Variants in GRM7 observed in about 807,000 individuals in gnomAD.
GRM7 encodes the protein metabotropic glutamate receptor 7.
Under a neutral mutation model 84.5 loss-of-function variants are expected in GRM7, and 35 were observed. That is an observed-to-expected ratio of 0.41 (90% CI 0.32 to 0.55). GRM7 has a LOEUF of 0.55. Among genes scored for constraint, GRM7 ranks in the 20% least tolerant of loss-of-function variants. The pLI, the probability that GRM7 is intolerant of heterozygous loss-of-function variation, is 0.19. For synonymous variants in GRM7, 487 were observed against 455.1 expected, an observed-to-expected ratio of 1.07 and a Z score of -0.89; for missense variants, 1,003 against 1,194.6, an observed-to-expected ratio of 0.84 and a Z score of 2.36.
At chr3:7,342,060 A>T (rs1692664089) in intron 4 of GRM7, among the ~76,000 whole-genome samples, 1 of 152,168 alleles carries the variant, frequency 6.6e-6, no homozygotes, top group South Asian at 2.1e-4. Context: ...TAACAGACAC[A>T]GCATTCCATT....
intron 4 of GRM7, among the ~76,000 whole-genome samples, chr3:7,310,692 G>A (rs949731): frequency 0.36 from 55,308 of 152,042 alleles, 10,881 homozygotes; most frequent in Middle Eastern, 0.48. Flanking sequence ...GCTATTTGTG[G>A]CAGAGTGGGT....
At chr3:7,439,004 G>C (rs544927195) in intron 5 of GRM7, among the ~76,000 whole-genome samples, 2 of 152,062 alleles carry the variant, frequency 1.3e-5, no homozygotes, top group South Asian at 4.1e-4. Flanking sequence ...AGTCTATATC[G>C]CAGATACAAA....
chr3:7,307,930 G>T (rs1700250227), intron 4 of GRM7, among the ~76,000 whole-genome samples: 1 of 136,066 alleles, frequency 7.3e-6, no homozygotes, highest in Non-Finnish European at 1.7e-5. Context: ...GGGAAACATT[G>T]TAAGTACAGT....
intron 8 of GRM7, chr3:7,607,784 AC>A (rs1412916098): frequency 2.8e-5 from 4 of 140,716 alleles, no homozygotes; most frequent in African/African-American, 1.1e-4. Flanking sequence ...TTTTGTACAT[AC>A]ATAAACAAGT....
At position 7,292,716 on chromosome 3, in the gene GRM7, CTTT is replaced by C. The variant is rs369266184; in HGVS notation, c.737-5960_737-5958del. On this transcript the variant is annotated intron_variant, in intron 2 of 9. Coordinates refer to ENST00000357716, the MANE Select transcript of GRM7 (RefSeq NM_000844.4). ...CTTCTACTGCTTACATATATTATTT[CTTT>C]TTTTTTTAAAAAAAAAAACAAACCA... Among the ~76,000 whole-genome samples the C allele has an allele frequency of 8.5e-4, 125 of 146,476 alleles. 2 individuals are homozygous for C. The East Asian group carries it at 0.02, about 24-fold the overall frequency.
chr3:7,326,804 A>G (rs532852724), intron 4 of GRM7, among the ~76,000 whole-genome samples: 307 of 151,668 alleles, frequency 2.0e-3, no homozygotes, highest in Non-Finnish European at 2.6e-3. Context: ...ATTGCACTCC[A>G]GCCTGGGCAA....
chr3:7,685,247 C>T (rs1009331255), intron 9 of GRM7, among the ~76,000 whole-genome samples: 2 of 152,158 alleles, frequency 1.3e-5, no homozygotes, highest in Non-Finnish European at 2.9e-5. Flanking sequence ...TGGTATCAAC[C>T]AGAAGATGTT....
At chr3:7,045,504 C>T (rs1052004003) in intron 1 of GRM7, among the ~76,000 whole-genome samples, 3 of 152,108 alleles carry the variant, frequency 2.0e-5, no homozygotes, top group Non-Finnish European at 4.4e-5. Context: ...TATTGTAAAA[C>T]TAAAACTTTG....
intron 1 of GRM7, among the ~76,000 whole-genome samples, chr3:6,979,727 G>T (rs1575093007): frequency 6.6e-6 from 1 of 151,994 alleles, no homozygotes; most frequent in Non-Finnish European, 1.5e-5. Context: ...AATAAAAATG[G>T]GTTGGTGGAA....
chr3:6,881,433 C>T (rs2124963016), intron 1 of GRM7, among the ~76,000 whole-genome samples: 1 of 152,188 alleles, frequency 6.6e-6, no homozygotes, highest in South Asian at 2.1e-4. Context: ...AGGATAATGT[C>T]TTCCAGCTTT....
chr3:7,154,946 T>C (rs1574968979), intron 2 of GRM7, among the ~76,000 whole-genome samples: 1 of 152,146 alleles, frequency 6.6e-6, no homozygotes, highest in Non-Finnish European at 1.5e-5. Context: ...GCAAGAGAGA[T>C]AAATTTCAGT....
At chr3:7,590,002 G>A (rs1695703789) in intron 8 of GRM7, among the ~76,000 whole-genome samples, 2 of 152,150 alleles carry the variant, frequency 1.3e-5, no homozygotes, top group Admixed American at 1.3e-4. Context: ...CAGCAACTAA[G>A]AAAGGTTTTT....
rs142295045 is a variant in GRM7, at chr3:7,171,217, C to T, written c.736+24549C>T. Among the ~76,000 whole-genome samples the T allele has an allele frequency of 4.7e-4, 72 of 152,250 alleles. 1 individual carries two copies. Among genetic ancestry groups the T allele is most frequent in the African/African-American group, 1.7e-3 (72 of 41,564 alleles). ...ATCTGCTCCAGGCCTCTCTCCTTAG[C>T]TTGTAGATGGACTTCTTCTCCCTGT... On this transcript the variant is annotated intron_variant, in intron 2 of 9. Coordinates refer to ENST00000357716, the MANE Select transcript of GRM7 (RefSeq NM_000844.4).
intron 2 of GRM7, among the ~76,000 whole-genome samples, chr3:7,162,584 G>GT (rs1694658267): frequency 6.6e-6 from 1 of 151,910 alleles, no homozygotes; most frequent in Non-Finnish European, 1.5e-5. Flanking sequence ...TGAGAAATTG[G>GT]TAATAGTGAA....
intron 4 of GRM7, among the ~76,000 whole-genome samples, chr3:7,404,731 G>T (rs551065313): frequency 6.6e-6 from 1 of 151,992 alleles, no homozygotes; most frequent in East Asian, 1.9e-4. Context: ...CTTCCAACAG[G>T]AAGCATCTTG....
chr3:6,948,338 G>C (rs541337841), intron 1 of GRM7, among the ~76,000 whole-genome samples: 1 of 152,226 alleles, frequency 6.6e-6, no homozygotes, highest in African/African-American at 2.4e-5. Flanking sequence ...GGAGCTGGTT[G>C]TTCAGTTCCC....
intron 2 of GRM7, 184 bp from the exon 3 acceptor site, chr3:7,298,500 G>T (rs1699888390): frequency 1.8e-6 from 1 of 568,118 alleles, no homozygotes; most frequent in South Asian, 2.4e-5. Flanking sequence ...ACCATGGAAA[G>T]TGCATTAGGT....
intron 2 of GRM7, among the ~76,000 whole-genome samples, chr3:7,263,806 AG>A (rs1299077830): frequency 6.6e-6 from 1 of 151,870 alleles, no homozygotes; most frequent in African/African-American, 2.4e-5. Flanking sequence ...CAATGGCGGT[AG>A]GGTAGGTTGG....
chr3:7,114,774 T>C (rs1026894404), intron 1 of GRM7, among the ~76,000 whole-genome samples: 9 of 152,082 alleles, frequency 5.9e-5, no homozygotes, highest in Admixed American at 5.9e-4. Context: ...AGGTCTGGGG[T>C]AAAAGTCAGA....
Sources: gnomAD v4.1 joint callset for allele counts (sites outside exome capture counted in the v4.1 genomes callset) on GRCh38, gnomAD v4.1.1 for gene constraint, MANE v1.5 for transcripts, NCBI Gene and HGNC (gene_info 2026-07-23, HGNC 2026-07-21) for gene names.